The following FILIP1L variants were observed in gnomAD, a reference collection of about 807,000 sequenced individuals.
FILIP1L encodes the protein filamin A interacting protein 1 like, also known as filamin A-interacting protein 1-like.
In FILIP1L, 55 loss-of-function variants were observed where a neutral mutation model predicts 96.6. That is an observed-to-expected ratio of 0.57 (90% CI 0.46 to 0.71). The LOEUF is 0.71. FILIP1L is among the 30% of genes least tolerant of loss of function. The probability of loss-of-function intolerance (pLI) is 0.00; values close to 1 mark genes in which losing one functional copy is unlikely to be tolerated. For synonymous variants in FILIP1L, 467 were observed against 473.9 expected, an observed-to-expected ratio of 0.99 and a Z score of 0.19; for missense variants, 1,304 against 1,321.2, an observed-to-expected ratio of 0.99 and a Z score of 0.20.
At chr3:100,013,454 G>A (rs986552029) in intron 1 of FILIP1L, among the ~76,000 whole-genome samples, 1 of 151,580 alleles carries the variant, frequency 6.6e-6, no homozygotes. Context: ...ATGTTGGCCA[G>A]ACTGGTCTCA....
intron 4 of FILIP1L, among the ~76,000 whole-genome samples, chr3:99,873,888 T>G (rs572048695): frequency 6.6e-6 from 1 of 152,300 alleles, no homozygotes; most frequent in African/African-American, 2.4e-5. Flanking sequence ...GCAAATGAAC[T>G]TACTAAGCAT....
intron 1 of FILIP1L, among the ~76,000 whole-genome samples, chr3:100,007,253 C>A (rs1277290613): frequency 2.0e-5 from 3 of 152,180 alleles, no homozygotes; most frequent in Non-Finnish European, 4.4e-5. Flanking sequence ...GTCTCTCAGA[C>A]ATACTCTTTT....
At chr3:100,094,600 G>A (rs994787339) in intron 1 of FILIP1L, among the ~76,000 whole-genome samples, 10 of 150,610 alleles carry the variant, frequency 6.6e-5, no homozygotes, top group African/African-American at 2.4e-4. Context: ...GTTTAAGGTG[G>A]TAGACTTGAG....
chr3:100,058,555 C>T (rs2065504957), intron 1 of FILIP1L, among the ~76,000 whole-genome samples: 1 of 152,190 alleles, frequency 6.6e-6, no homozygotes, highest in African/African-American at 2.4e-5. Context: ...TCAGCTTTTG[C>T]TCCTCCAACT....
chr3:100,069,459 G>A (rs188075709), intron 1 of FILIP1L, among the ~76,000 whole-genome samples: 2 of 152,224 alleles, frequency 1.3e-5, no homozygotes, highest in East Asian at 1.9e-4. Context: ...ATGGCTGGTT[G>A]TGTGTTCCAG....
intron 1 of FILIP1L, among the ~76,000 whole-genome samples, chr3:100,106,707 C>T (rs900028999): frequency 1.3e-5 from 2 of 152,176 alleles, no homozygotes; most frequent in African/African-American, 4.8e-5. Flanking sequence ...TAAATGTAAG[C>T]TTCCTTTTGA....
At chr3:99,927,897 G>A (rs1193804317) in intron 3 of FILIP1L, among the ~76,000 whole-genome samples, 1 of 152,044 alleles carries the variant, frequency 6.6e-6, no homozygotes, top group African/African-American at 2.4e-5. Context: ...TTCATCTTAA[G>A]TCAGTGTTCC....
At chr3:100,071,183 C>CAATTTATG (rs1201459990) in intron 1 of FILIP1L, among the ~76,000 whole-genome samples, 3 of 137,304 alleles carry the variant, frequency 2.2e-5, no homozygotes, top group African/African-American at 8.3e-5. Context: ...ATATCACTGT[C>CAATTTATG]AATTTATGCT....
chr3:100,088,997 C>T (rs2066059741), intron 1 of FILIP1L, among the ~76,000 whole-genome samples: 2 of 152,258 alleles, frequency 1.3e-5, no homozygotes, highest in Non-Finnish European at 1.5e-5. Flanking sequence ...TTACACTCTC[C>T]AGAGAGAAAG....
chr3:99,909,670 A>G (rs1559684528), intron 4 of FILIP1L, among the ~76,000 whole-genome samples: 1 of 152,234 alleles, frequency 6.6e-6, no homozygotes, highest in African/African-American at 2.4e-5. Context: ...CATGTTTTTC[A>G]TCATACAGAT....
At chr3:100,107,064 C>T (rs1004433282) in intron 1 of FILIP1L, among the ~76,000 whole-genome samples, 3 of 152,076 alleles carry the variant, frequency 2.0e-5, no homozygotes, top group African/African-American at 7.2e-5. Context: ...AAATTTGTAG[C>T]TACCAGTTCA....
chr3:100,093,496 T>C (rs1559755082), intron 1 of FILIP1L, among the ~76,000 whole-genome samples: 2 of 152,188 alleles, frequency 1.3e-5, no homozygotes, highest in Non-Finnish European at 2.9e-5. Flanking sequence ...CTTTTTACTT[T>C]GAGATAATTG....
chr3:100,036,430 A>AT (rs2065109790), intron 1 of FILIP1L, among the ~76,000 whole-genome samples: 1 of 152,218 alleles, frequency 6.6e-6, no homozygotes, highest in Non-Finnish European at 1.5e-5. Flanking sequence ...CACTGGCCTA[A>AT]TCTGAAACAA....
chr3:99,902,982 T>A (rs1021040024), intron 4 of FILIP1L, among the ~76,000 whole-genome samples: 2 of 152,190 alleles, frequency 1.3e-5, no homozygotes, highest in Non-Finnish European at 2.9e-5. Flanking sequence ...CTAGAACTGT[T>A]AGAATCTGAG....
chr3:99,860,635 A>C (rs890480391), intron 4 of FILIP1L, among the ~76,000 whole-genome samples: 1 of 152,194 alleles, frequency 6.6e-6, no homozygotes, highest in Non-Finnish European at 1.5e-5. Context: ...GGTGCCCATG[A>C]TTCTGGGCTA....
intron 4 of FILIP1L, among the ~76,000 whole-genome samples, chr3:99,882,387 T>A (rs1194299585): frequency 6.6e-6 from 1 of 152,176 alleles, no homozygotes; most frequent in Non-Finnish European, 1.5e-5. Flanking sequence ...ATATAAGCAG[T>A]CAGTGGTGGT....
chr3:99,880,940 T>C (rs889378964), intron 4 of FILIP1L, among the ~76,000 whole-genome samples: 4 of 151,974 alleles, frequency 2.6e-5, no homozygotes, highest in Non-Finnish European at 5.9e-5. Flanking sequence ...TTCTGAATCA[T>C]GTTAGTGGCT....
intron 1 of FILIP1L, among the ~76,000 whole-genome samples, chr3:99,950,379 G>T (rs987126847): frequency 6.6e-6 from 1 of 152,060 alleles, no homozygotes; most frequent in African/African-American, 2.4e-5. Context: ...TATTTCTATG[G>T]GTAGGGAAAT....
chr3:100,003,183 TG>T (rs532676174), intron 1 of FILIP1L, among the ~76,000 whole-genome samples: 2 of 152,290 alleles, frequency 1.3e-5, no homozygotes, highest in African/African-American at 4.8e-5. Flanking sequence ...GCACTTTTGT[TG>T]TAAGCCCATG....
Sources: allele counts gnomAD v4.1 joint callset (sites outside exome capture counted in the v4.1 genomes callset), GRCh38; gene constraint gnomAD v4.1.1; transcripts MANE v1.5; gene names NCBI Gene and HGNC (gene_info 2026-07-23, HGNC 2026-07-21).